Variants in ATP1B3 observed in about 807,000 individuals in gnomAD.
ATP1B3 encodes the protein sodium/potassium-transporting ATPase subunit beta-3.
In ATP1B3, 10 loss-of-function variants were observed where a neutral mutation model predicts 30.2. The ratio of observed to expected loss-of-function variants is 0.33; its 90% CI spans 0.20 to 0.56. ATP1B3 has a LOEUF of 0.56. ATP1B3 is among the 20% of genes least tolerant of loss of function. ATP1B3 has a pLI of 0.90. For missense variants in ATP1B3, 238 were observed against 336.7 expected (o/e 0.71, Z 2.29); for synonymous variants, 113 against 117.0 (o/e 0.97, Z 0.22).
chr3:141,907,533 C>T lies in ATP1B3; in HGVS notation c.346+259C>T, dbSNP rs190003982. ...GCACGCGCCTGTAATTCCAGCTACT[C>T]GGGAGGCTGAGGCAGAATAATCGCT... On this transcript the variant is annotated intron_variant, in intron 3 of 6. Transcript: ENST00000286371. Among the ~76,000 whole-genome samples the T allele has an allele frequency of 2.6e-5, 4 of 151,960 alleles. No homozygotes were observed. In the East Asian group the frequency reaches 7.7e-4, roughly 29 times the overall value.
intron 3 of ATP1B3, among the ~76,000 whole-genome samples, chr3:141,909,484 G>C (rs1044771052): frequency 6.6e-6 from 1 of 152,220 alleles, no homozygotes; most frequent in African/African-American, 2.4e-5. Flanking sequence ...TTTACATGCA[G>C]AGTGGTCTGG....
chr3:141,884,094 G>A (rs1401718725), intron 1 of ATP1B3, among the ~76,000 whole-genome samples: 1 of 152,066 alleles, frequency 6.6e-6, no homozygotes, highest in Non-Finnish European at 1.5e-5. Context: ...TTTAATGGGA[G>A]TTTATTTAAT....
chr3:141,906,755 T>A (rs1469672340), intron 2 of ATP1B3, among the ~76,000 whole-genome samples: 1 of 152,260 alleles, frequency 6.6e-6, no homozygotes, highest in African/African-American at 2.4e-5. Flanking sequence ...TATGAATGTT[T>A]CCATACAATT....
intron 1 of ATP1B3, among the ~76,000 whole-genome samples, chr3:141,889,756 T>TATACACAC (rs1201511323): frequency 7.1e-5 from 6 of 84,042 alleles, no homozygotes; most frequent in Non-Finnish European, 1.3e-4. Flanking sequence ...AAAAAATATA[T>TATACACAC]ACACACACAC....
At chr3:141,911,595 A>G (rs915423934) in intron 3 of ATP1B3, among the ~76,000 whole-genome samples, 1 of 151,626 alleles carries the variant, frequency 6.6e-6, no homozygotes, top group African/African-American at 2.4e-5. Flanking sequence ...CCTGGGTTCA[A>G]GCGACCCTCA....
intron 5 of ATP1B3, 99 bp downstream of exon 5, chr3:141,916,119 AT>A: frequency 1.9e-6 from 2 of 1,068,476 alleles, no homozygotes. Flanking sequence ...TCCCTGTCAC[AT>A]TTTAAAGTCC....
intron 5 of ATP1B3, chr3:141,916,469 CTACT>C (rs1934465396): frequency 2.1e-6 from 2 of 932,422 alleles, no homozygotes; most frequent in East Asian, 6.1e-5. Context: ...TCCCCTATCC[CTACT>C]TACTTTTTTT....
intron 1 of ATP1B3, among the ~76,000 whole-genome samples, chr3:141,878,221 C>T (rs1933644546): frequency 6.6e-6 from 1 of 152,214 alleles, no homozygotes; most frequent in Admixed American, 6.5e-5. Flanking sequence ...CCCAGTTCTC[C>T]TTTAATCCTA....
intron 1 of ATP1B3, among the ~76,000 whole-genome samples, chr3:141,882,605 T>C (rs1456513229): frequency 2.6e-5 from 4 of 152,310 alleles, no homozygotes; most frequent in Admixed American, 2.6e-4. Flanking sequence ...TTTTTTGAGA[T>C]AGAGTTTCGC....
intron 1 of ATP1B3, among the ~76,000 whole-genome samples, chr3:141,898,032 A>G (rs1427331024): frequency 9.2e-5 from 14 of 152,236 alleles, no homozygotes; most frequent in Admixed American, 9.2e-4. Context: ...TTTAAACAGT[A>G]GTGGGACAAC....
intron 5 of ATP1B3, chr3:141,916,253 C>T (rs374313545): frequency 7.7e-6 from 4 of 522,338 alleles, no homozygotes; most frequent in South Asian, 3.4e-5. Flanking sequence ...TCACATATAC[C>T]GTATTTCATC....
chr3:141,883,339 A>G (rs1384897493), intron 1 of ATP1B3, among the ~76,000 whole-genome samples: 1 of 152,244 alleles, frequency 6.6e-6, no homozygotes, highest in African/African-American at 2.4e-5. Context: ...AATACAAAAA[A>G]TTAGCCAGGT....
At position 141,876,689 on chromosome 3, in the gene ATP1B3, C is replaced by A; in HGVS notation, c.-113C>A. The A allele has an allele frequency of 1.4e-6, 1 of 722,364 alleles. No homozygotes were observed. Among genetic ancestry groups the A allele is most frequent in the Non-Finnish European group, 2.3e-6 (1 of 439,914 alleles). The allele number at this position is 722,364 out of a possible 1,614,324, so 44.7% of individuals were successfully genotyped here. A position where few individuals can be genotyped will look rare whatever the true frequency, so the allele number is the denominator to read the frequency against. On this transcript the variant is annotated 5_prime_UTR_variant, in exon 1 of 7. Transcript: ENST00000286371. ...TAACGAGGAGGTGTTCTCGGCCGTCCCACCCTTCACTGCCGTCTCCGGGCT... is the reference window on the plus strand; with the variant it reads ...TAACGAGGAGGTGTTCTCGGCCGTCACACCCTTCACTGCCGTCTCCGGGCT...
At chr3:141,915,890 C>G in intron 4 of ATP1B3, 80 bp from the exon 5 acceptor site, 1 of 1,137,088 alleles carries the variant, frequency 8.8e-7, no homozygotes, top group East Asian at 2.4e-5. Context: ...GTCTTCACCC[C>G]TTGTTCCCAG....
intron 1 of ATP1B3, among the ~76,000 whole-genome samples, chr3:141,893,769 C>T (rs1934005636): frequency 6.6e-6 from 1 of 152,086 alleles, no homozygotes; most frequent in Non-Finnish European, 1.5e-5. Flanking sequence ...CCAAACATTC[C>T]CTCTTGGCAC....
intron 1 of ATP1B3, among the ~76,000 whole-genome samples, chr3:141,883,220 G>T (rs1933764618): frequency 6.6e-6 from 1 of 152,182 alleles, no homozygotes; most frequent in African/African-American, 2.4e-5. Flanking sequence ...AGGTGCAGTG[G>T]CTCTTGCCTG....
At chr3:141,891,240 G>A (rs767424711) in intron 1 of ATP1B3, among the ~76,000 whole-genome samples, 6 of 152,158 alleles carry the variant, frequency 3.9e-5, no homozygotes, top group Non-Finnish European at 5.9e-5. Context: ...CTCTGTATTC[G>A]TGATTGTAAA....
chr3:141,900,007 G>C (rs1190731096), intron 1 of ATP1B3, among the ~76,000 whole-genome samples: 1 of 152,062 alleles, frequency 6.6e-6, no homozygotes, highest in Admixed American at 6.5e-5. Context: ...CTCCAGCCTG[G>C]GTGACAGAGA....
intron 1 of ATP1B3, among the ~76,000 whole-genome samples, chr3:141,883,004 A>G (rs13097436): frequency 0.016 from 2,506 of 152,302 alleles, 38 homozygotes; most frequent in South Asian, 0.065. Flanking sequence ...AGCACGACAT[A>G]CAAACTCTTT....
Sources: allele counts gnomAD v4.1 joint callset (sites outside exome capture counted in the v4.1 genomes callset), GRCh38; gene constraint gnomAD v4.1.1; transcripts MANE v1.5; gene names NCBI Gene and HGNC (gene_info 2026-07-23, HGNC 2026-07-21).